The following CHRM2 variants were observed in gnomAD, a reference collection of about 807,000 sequenced individuals.
The protein encoded by CHRM2 is cholinergic receptor muscarinic 2.
A neutral mutation model predicts 25.0 loss-of-function variants in CHRM2; 8 were observed. The observed-to-expected ratio is 0.32, with a 90% CI of 0.19 to 0.58. The LOEUF (loss-of-function observed/expected upper bound fraction) is 0.58. Among genes scored for constraint, CHRM2 ranks in the 20% least tolerant of loss-of-function variants. The probability of loss-of-function intolerance (pLI) is 0.88; values close to 1 mark genes in which losing one functional copy is unlikely to be tolerated. For missense variants in CHRM2, 440 were observed against 567.1 expected (o/e 0.78, Z 2.28); for synonymous variants, 202 against 205.7 (o/e 0.98, Z 0.15).
chr7:136,959,350 G>A (rs1800922737), intron 2 of CHRM2, among the ~76,000 whole-genome samples: 1 of 152,188 alleles, frequency 6.6e-6, no homozygotes, highest in East Asian at 1.9e-4. Flanking sequence ...TTGAGTGGAG[G>A]ACTAACAAGA....
intron 2 of CHRM2, among the ~76,000 whole-genome samples, chr7:136,878,189 G>C (rs552454105): frequency 6.6e-6 from 1 of 151,884 alleles, no homozygotes. Flanking sequence ...CAGGGCATTT[G>C]GTTTCATTTT....
chr7:136,986,736 G>A (rs897408458), intron 2 of CHRM2, among the ~76,000 whole-genome samples: 3 of 152,114 alleles, frequency 2.0e-5, no homozygotes, highest in Admixed American at 1.3e-4. Flanking sequence ...GGGGCAAGCC[G>A]TATTCCTAAG....
At chr7:137,008,923 G>T (rs1804626598) in intron 3 of CHRM2, among the ~76,000 whole-genome samples, 1 of 151,974 alleles carries the variant, frequency 6.6e-6, no homozygotes, top group Non-Finnish European at 1.5e-5. Flanking sequence ...TTGTGGAAAT[G>T]ACATGGTCCA....
At chr7:136,960,451 A>G (rs1188858940) in intron 2 of CHRM2, among the ~76,000 whole-genome samples, 1 of 152,212 alleles carries the variant, frequency 6.6e-6, no homozygotes. Flanking sequence ...AGAACATCCT[A>G]TTCACTCATT....
chr7:136,882,038 T>C (rs1796286307), intron 2 of CHRM2, among the ~76,000 whole-genome samples: 1 of 152,092 alleles, frequency 6.6e-6, no homozygotes, highest in South Asian at 2.1e-4. Flanking sequence ...CAGAGTATTC[T>C]TGTTCCTATT....
Position 137,019,852 on chromosome 7 carries a change from T to C in CHRM2, c.*3586T>C, listed in dbSNP as rs1196419304. 1.3e-5 allele frequency: 2 copies of C among 151,852 alleles called. No individual in the cohort carries two copies. Among genetic ancestry groups the C allele is most frequent in the Non-Finnish European group, 2.9e-5 (2 of 67,874 alleles). 9.4% of individuals were successfully genotyped at this position (151,852 alleles called of 1,614,324 possible). On this transcript the variant is annotated 3_prime_UTR_variant, in exon 4 of 4. Coordinates refer to ENST00000680005, the MANE Select transcript of CHRM2 (RefSeq NM_001006630.2). ...CTTTTTTGATCCTGAAGATCTGACA[T>C]TGGGAGAGATGGGAATTCAAAATGA...
chr7:137,000,567 G>GGAAGGAAGGAAA (rs1554434082), intron 3 of CHRM2, among the ~76,000 whole-genome samples: 16 of 125,418 alleles, frequency 1.3e-4, no homozygotes, highest in African/African-American at 4.2e-4. Context: ...AAGGAAGGAA[G>GGAAGGAAGGAAA]GAAGGAAGGA....
intron 2 of CHRM2, among the ~76,000 whole-genome samples, chr7:136,968,842 G>A (rs1440068439): frequency 6.6e-6 from 1 of 151,222 alleles, no homozygotes; most frequent in East Asian, 1.9e-4. Context: ...AGTGAAATAA[G>A]CCAGGCACAA....
intron 2 of CHRM2, among the ~76,000 whole-genome samples, chr7:136,909,007 T>C (rs778108450): frequency 6.6e-5 from 10 of 151,884 alleles, no homozygotes; most frequent in Non-Finnish European, 1.0e-4. Context: ...TTTTGTTTTG[T>C]TTTCTCAATG....
intron 2 of CHRM2, among the ~76,000 whole-genome samples, chr7:136,895,711 C>T (rs1796867392): frequency 6.6e-6 from 1 of 152,190 alleles, no homozygotes; most frequent in Non-Finnish European, 1.5e-5. Context: ...CTACTCCTCG[C>T]TTCTAAAATG....
At chr7:136,915,858 ATT>A (rs113903060) in intron 2 of CHRM2, among the ~76,000 whole-genome samples, 1,562 of 141,768 alleles carry the variant, frequency 0.011, 15 homozygotes, top group Middle Eastern at 0.022. Context: ...GAAAAGAAAC[ATT>A]TTTTTTTTTT....
intron 2 of CHRM2, among the ~76,000 whole-genome samples, chr7:136,982,928 C>T (rs1405403137): frequency 3.3e-5 from 5 of 152,216 alleles, no homozygotes; most frequent in African/African-American, 1.2e-4. Flanking sequence ...CTTGGGATTG[C>T]TCTTCTTGAG....
chr7:137,013,955 G>T (rs1181964781), intron 3 of CHRM2, among the ~76,000 whole-genome samples: 1 of 151,988 alleles, frequency 6.6e-6, no homozygotes, highest in Non-Finnish European at 1.5e-5. Flanking sequence ...TTGGCAGAAA[G>T]AATAGTAAGA....
chr7:136,976,613 A>G (rs1160025082), intron 2 of CHRM2, among the ~76,000 whole-genome samples: 1 of 152,192 alleles, frequency 6.6e-6, no homozygotes, highest in Non-Finnish European at 1.5e-5. Flanking sequence ...GACAAAATAA[A>G]GGGAAAACCT....
At chr7:136,946,298 T>C (rs527799158) in intron 2 of CHRM2, among the ~76,000 whole-genome samples, 7 of 152,320 alleles carry the variant, frequency 4.6e-5, no homozygotes, top group African/African-American at 1.2e-4. Context: ...GCTGATAAAA[T>C]TATATTAAAT....
At chr7:136,883,832 G>A (rs2130520140) in intron 2 of CHRM2, among the ~76,000 whole-genome samples, 1 of 152,236 alleles carries the variant, frequency 6.6e-6, no homozygotes, top group South Asian at 2.1e-4. Context: ...GGTATGAAAT[G>A]ACGCCAACCT....
intron 2 of CHRM2, among the ~76,000 whole-genome samples, chr7:136,872,750 A>C (rs892061565): frequency 8.5e-5 from 13 of 152,330 alleles, no homozygotes; most frequent in Admixed American, 7.8e-4. Flanking sequence ...AACAAGTACA[A>C]AAGAGGGAGA....
intron 2 of CHRM2, chr7:136,938,295 G>A (rs2130805488): frequency 1.8e-6 from 2 of 1,109,594 alleles, no homozygotes; most frequent in African/African-American, 1.5e-5. Context: ...GCCTAAGGTT[G>A]TTGATGTAGC....
At chr7:136,992,668 G>A (rs1803308309) in intron 3 of CHRM2, among the ~76,000 whole-genome samples, 1 of 152,148 alleles carries the variant, frequency 6.6e-6, no homozygotes, top group African/African-American at 2.4e-5. Context: ...TGCAAATTCA[G>A]CGTTCACGTT....
Sources: allele counts gnomAD v4.1 joint callset (sites outside exome capture counted in the v4.1 genomes callset), GRCh38; gene constraint gnomAD v4.1.1; transcripts MANE v1.5; gene names NCBI Gene and HGNC (gene_info 2026-07-23, HGNC 2026-07-21).